Variants in CDH13 observed in about 807,000 individuals in gnomAD.
CDH13 encodes cadherin 13, also known as cadherin-13.
In CDH13, 24 loss-of-function variants were observed where a neutral mutation model predicts 63.8. The ratio of observed to expected loss-of-function variants is 0.38; its 90% confidence interval spans 0.27 to 0.53. CDH13 has a LOEUF of 0.53. CDH13 is among the 20% of genes least tolerant of loss of function. The pLI is 0.85. For synonymous variants in CDH13, 503 were observed against 355.3 expected (o/e 1.42, Z -4.67); for missense variants, 1,049 against 903.1 (o/e 1.16, Z -2.07).
chr16:83,199,312 C>G (rs941797438), intron 4 of CDH13, among the ~76,000 whole-genome samples: 1 of 152,214 alleles, frequency 6.6e-6, no homozygotes, highest in African/African-American at 2.4e-5. Flanking sequence ...ATAATCAGCC[C>G]TGCTCCTTGA....
chr16:83,084,759 G>T (rs1217360261), intron 3 of CDH13, among the ~76,000 whole-genome samples: 1 of 152,078 alleles, frequency 6.6e-6, no homozygotes, highest in Non-Finnish European at 1.5e-5. Flanking sequence ...TGTGGTGGCA[G>T]CACCTGTAAT....
intron 1 of CDH13, among the ~76,000 whole-genome samples, chr16:82,636,146 T>C (rs1193592061): frequency 6.6e-6 from 1 of 152,136 alleles, no homozygotes. Flanking sequence ...CAGGCTTTGA[T>C]GGTGGCTGGG....
intron 5 of CDH13, among the ~76,000 whole-genome samples, chr16:83,327,545 A>G (rs1312736748): frequency 2.0e-5 from 3 of 152,258 alleles, no homozygotes; most frequent in African/African-American, 4.8e-5. Flanking sequence ...CTATTGTGCT[A>G]TGGAAACAAG....
Position 83,216,429 on chromosome 16 carries a change from T to TATATAA in CDH13, c.484-911_484-910insAATATA, listed in dbSNP as rs1555513905. On this transcript the variant is annotated intron_variant, in intron 4 of 13. Transcript: ENST00000567109. ...ATATATATATATATATATATATATA[T>TATATAA]ATATATATATATATACACAACCCTA... 1.7e-4 allele frequency among the ~76,000 whole-genome samples: 18 copies of TATATAA among 105,706 alleles called. 1 individual carries two copies. The highest frequency in any genetic ancestry group is 2.7e-4 in the East Asian group (1 of 3,708). The allele number at this position is 105,706 out of a possible 152,430, so 69.3% of individuals were successfully genotyped here. A position where few individuals can be genotyped will look rare whatever the true frequency, so the allele number is the denominator to read the frequency against.
At chr16:82,745,599 G>A (rs528161844) in intron 1 of CDH13, among the ~76,000 whole-genome samples, 65 of 152,046 alleles carry the variant, frequency 4.3e-4, no homozygotes, top group African/African-American at 1.5e-3. Context: ...GCGAGACTCT[G>A]TCTCAAAAAA....
chr16:83,771,941 A>G (rs1051858823), intron 11 of CDH13, among the ~76,000 whole-genome samples: 12 of 152,318 alleles, frequency 7.9e-5, no homozygotes, highest in Middle Eastern at 3.4e-3. Context: ...ACCAAAACAC[A>G]TGTCTTTCTA....
chr16:82,747,272 C>T (rs905648481), intron 1 of CDH13, among the ~76,000 whole-genome samples: 3 of 152,124 alleles, frequency 2.0e-5, no homozygotes, highest in Admixed American at 6.6e-5. Context: ...TAGCCAAAAC[C>T]TATGGAATTG....
intron 5 of CDH13, among the ~76,000 whole-genome samples, chr16:83,236,437 C>T (rs373367439): frequency 1.3e-5 from 2 of 152,070 alleles, no homozygotes; most frequent in East Asian, 3.9e-4. Flanking sequence ...TTAATAACAT[C>T]CTATAAGAAA....
intron 6 of CDH13, among the ~76,000 whole-genome samples, chr16:83,421,142 C>G (rs1195773734): frequency 6.6e-6 from 1 of 152,064 alleles, no homozygotes; most frequent in African/African-American, 2.4e-5. Context: ...GAGGAACACT[C>G]ATATTCCAGT....
rs758063450 is a variant in CDH13 at position 83,344,927 on chromosome 16, T to A, written c.702T>A (p.Ile234=). 1.5e-5 allele frequency: 24 copies of A among 1,613,876 alleles called. No individual in the cohort carries two copies. The Admixed American group carries it at 3.8e-4, about 26-fold the overall frequency. ...TLEGPVPLEV[I]VIDQNDNRPI... is the part of the protein sequence containing the mutation. ...AGGGGCCGGTGCCTCTGGAAGTCAT[T>A]GTGATTGATCAGAATGACAACCGAC... The change falls in exon 6 of 14, where the codon ATT becomes ATA. Residue 234 remains isoleucine, a synonymous_variant. Coordinates refer to ENST00000567109, the MANE Select transcript of CDH13 (RefSeq NM_001257.5).
intron 5 of CDH13, among the ~76,000 whole-genome samples, chr16:83,285,033 A>G (rs2089274094): frequency 1.3e-5 from 2 of 152,112 alleles, no homozygotes; most frequent in South Asian, 4.1e-4. Context: ...CCTTTTCTGC[A>G]CCCAGTTATT....
At chr16:83,634,532 C>A (rs991155663) in intron 8 of CDH13, among the ~76,000 whole-genome samples, 33 of 151,968 alleles carry the variant, frequency 2.2e-4, no homozygotes, top group African/African-American at 6.0e-4. Flanking sequence ...TCCTGAATAG[C>A]TGGGACTACA....
intron 3 of CDH13, among the ~76,000 whole-genome samples, chr16:83,093,017 A>C (rs533627219): frequency 1.3e-5 from 2 of 152,338 alleles, no homozygotes; most frequent in Admixed American, 1.3e-4. Context: ...GTGAGCACAG[A>C]GATGGTTATA....
chr16:83,720,125 G>A (rs751866195), intron 10 of CDH13, among the ~76,000 whole-genome samples: 3 of 152,142 alleles, frequency 2.0e-5, no homozygotes, highest in Non-Finnish European at 4.4e-5. Context: ...TTGGGACCGG[G>A]GTGCTGGTGG....
In CDH13 at chr16:82,833,955, T is replaced by C. The variant is rs151097183; in HGVS notation, c.46-24407T>C. 1.1e-4 allele frequency among the ~76,000 whole-genome samples: 16 copies of C among 152,330 alleles called. No individual in the cohort carries two copies. In the East Asian group the frequency reaches 3.1e-3, roughly 29 times the overall value. On this transcript the variant is annotated intron_variant, in intron 1 of 13. Coordinates refer to ENST00000567109, the MANE Select transcript of CDH13 (RefSeq NM_001257.5). ...CCCCTTTCTCGAGAAATGTATTACT[T>C]ACCTTGTGGGTGGGGAATTGTCTCT...
chr16:83,461,466 G>T (rs2151525008), intron 6 of CDH13, among the ~76,000 whole-genome samples: 1 of 152,274 alleles, frequency 6.6e-6, no homozygotes, highest in East Asian at 1.9e-4. Context: ...AGGTGAAGAT[G>T]AAATCTTCCC....
At chr16:83,741,436 A>C (rs932425736) in intron 10 of CDH13, among the ~76,000 whole-genome samples, 3 of 149,654 alleles carry the variant, frequency 2.0e-5, no homozygotes, top group African/African-American at 7.4e-5. Context: ...CGTAGTTTTT[A>C]TTTTCTACGT....
chr16:82,818,681 C>T (rs536534029), intron 1 of CDH13, among the ~76,000 whole-genome samples: 19 of 152,168 alleles, frequency 1.2e-4, no homozygotes, highest in African/African-American at 3.6e-4. Flanking sequence ...CTGTAGAAAT[C>T]GGGCATTTTC....
At chr16:83,224,425 G>C (rs2039785874) in intron 5 of CDH13, among the ~76,000 whole-genome samples, 1 of 152,212 alleles carries the variant, frequency 6.6e-6, no homozygotes, top group Non-Finnish European at 1.5e-5. Flanking sequence ...TCAGTGAGAA[G>C]CTTAGTTGCC....
Sources: allele counts gnomAD v4.1 joint callset (sites outside exome capture counted in the v4.1 genomes callset), GRCh38; gene constraint gnomAD v4.1.1; transcripts MANE v1.5; gene names NCBI Gene and HGNC (gene_info 2026-07-23, HGNC 2026-07-21).